The following CR1 variants were observed in gnomAD, a reference collection of about 807,000 sequenced individuals.
CR1 encodes the protein complement receptor type 1.
In CR1, 116 loss-of-function variants were observed where a neutral mutation model predicts 187.3. That is an observed-to-expected ratio of 0.62 (90% CI 0.53 to 0.72). The LOEUF (loss-of-function observed/expected upper bound fraction) is 0.72, where lower values mean the gene tolerates loss of function less well. Ranked by LOEUF, CR1 falls within the 30% of genes least tolerant of loss-of-function variation. CR1 has a pLI of 0.00. For synonymous variants in CR1, 576 were observed against 747.1 expected (o/e 0.77, Z 3.73); for missense variants, 1,731 against 2,110.7 (o/e 0.82, Z 3.52).
At chr1:207,500,654 G>T (rs1170782629) in intron 1 of CR1, among the ~76,000 whole-genome samples, 1 of 152,116 alleles carries the variant, frequency 6.6e-6, no homozygotes, top group East Asian at 1.9e-4. Context: ...TGGAGTAACT[G>T]GAATTATAAT....
At chr1:207,513,762 C>CCCTT (rs1166231012) in intron 4 of CR1, among the ~76,000 whole-genome samples, 51 of 99,224 alleles carry the variant, frequency 5.1e-4, no homozygotes, top group African/African-American at 1.3e-3. Flanking sequence ...CTCCCTCCCT[C>CCCTT]CCTTCCTTCC....
chr1:207,585,393 A>T (rs1435276712), intron 33 of CR1, among the ~76,000 whole-genome samples: 1 of 152,236 alleles, frequency 6.6e-6, no homozygotes, highest in African/African-American at 2.4e-5. Context: ...TCCACTTGTC[A>T]TCTTGCCTCC....
intron 3 of CR1, among the ~76,000 whole-genome samples, chr1:207,511,332 T>TA (rs554713408): frequency 1.1e-4 from 17 of 152,098 alleles, no homozygotes; most frequent in African/African-American, 1.7e-4. Flanking sequence ...TAGATTTGCA[T>TA]AAAAAAGTGT....
chr1:207,515,843 T>C (rs762036319), intron 4 of CR1, among the ~76,000 whole-genome samples: 1 of 152,188 alleles, frequency 6.6e-6, no homozygotes, highest in Non-Finnish European at 1.5e-5. Flanking sequence ...TGATGTCTTT[T>C]GTTTATGAAA....
At chr1:207,498,877 C>CAAAAAAAAAAAAAAAAAAAAAAAA (rs56044498) in intron 1 of CR1, among the ~76,000 whole-genome samples, 16 of 50,090 alleles carry the variant, frequency 3.2e-4, no homozygotes, top group East Asian at 1.1e-3. Context: ...AACTCCAAAT[C>CAAAAAAAAAAAAAAAAAAAAAAAA]AAAAAAAAAA....
chr1:207,617,665 T>G (rs1468711990), intron 41 of CR1, among the ~76,000 whole-genome samples: 1 of 73,150 alleles, frequency 1.4e-5, no homozygotes, highest in South Asian at 5.3e-4. Context: ...AGAGAGAGAT[T>G]GTACTCTTAG....
chr1:207,519,725 C>T (rs1659916915), intron 4 of CR1, among the ~76,000 whole-genome samples: 1 of 152,208 alleles, frequency 6.6e-6, no homozygotes, highest in South Asian at 2.1e-4. Flanking sequence ...AAAGTAAGCG[C>T]AGAGACTCCA....
At chr1:207,503,570 GTC>G (rs1380115933) in intron 1 of CR1, among the ~76,000 whole-genome samples, 1 of 152,080 alleles carries the variant, frequency 6.6e-6, no homozygotes, top group African/African-American at 2.4e-5. Context: ...GCACCATAGT[GTC>G]TCTGAATATC....
At chr1:207,589,952 G>C (rs993054249) in intron 35 of CR1, among the ~76,000 whole-genome samples, 1 of 152,132 alleles carries the variant, frequency 6.6e-6, no homozygotes, top group Non-Finnish European at 1.5e-5. Context: ...AGAAATATGG[G>C]ACTATGTGAA....
In CR1 at chr1:207,620,880, C is replaced by T. The variant is rs989280581; in HGVS notation, c.7252+815C>T. The stretch of plus-strand genomic sequence containing the variant: ...AAATTCAGGTCATTGGAGAACCAAC[C>T]GTATCAAATATTAGAACAAAATATA... On this transcript the variant is annotated intron_variant, in intron 43 of 46. Transcript: ENST00000367049. Among the ~76,000 whole-genome samples the T allele has an allele frequency of 5.9e-5, 9 of 152,186 alleles. 1 individual carries two copies. In the East Asian group the frequency reaches 1.2e-3, roughly 20 times the overall value.
At chr1:207,516,328 T>C (rs1659807841) in intron 4 of CR1, among the ~76,000 whole-genome samples, 1 of 152,194 alleles carries the variant, frequency 6.6e-6, no homozygotes, top group Non-Finnish European at 1.5e-5. Flanking sequence ...TGGATCTCAT[T>C]CCAGAGAGGT....
intron 1 of CR1, among the ~76,000 whole-genome samples, chr1:207,501,238 G>A (rs567913850): frequency 2.6e-5 from 4 of 152,322 alleles, no homozygotes; most frequent in Non-Finnish European, 5.9e-5. Context: ...GAAGGAAGTG[G>A]ATGTTTGGAT....
chr1:207,615,903 G>A (rs1662076656), intron 40 of CR1, among the ~76,000 whole-genome samples: 1 of 152,062 alleles, frequency 6.6e-6, no homozygotes. Flanking sequence ...GATAAATTTG[G>A]GTATCTCTTC....
At chr1:207,637,753 A>G (rs1662860482) in intron 46 of CR1, among the ~76,000 whole-genome samples, 1 of 152,156 alleles carries the variant, frequency 6.6e-6, no homozygotes, top group African/African-American at 2.4e-5. Flanking sequence ...ATATACTTCA[A>G]TAGGATTATC....
intron 44 of CR1, among the ~76,000 whole-genome samples, chr1:207,622,302 T>G (rs1464507681): frequency 6.6e-6 from 1 of 152,216 alleles, no homozygotes; most frequent in African/African-American, 2.4e-5. Context: ...GGTGGGAGAA[T>G]GCAACTTCTT....
chr1:207,630,518 A>G lies in CR1; in HGVS notation c.7354A>G (p.Asn2452Asp), dbSNP rs771591723. The change falls in exon 46 of 47, where the codon AAT (asparagine) becomes GAT (aspartate). Residue 2452 changes from asparagine to aspartate, a missense_variant and splice_region_variant. Physicochemically the swap from Asn to Asp is conservative, Grantham distance 23 (BLOSUM62 1). Coordinates refer to ENST00000367049, the MANE Select transcript of CR1 (RefSeq NM_000651.6). ...TCTATTTTTTTCTCTGCCAATTAGC[A>G]ATAATGCACATGAAAACCCTAAAGA... ...SWIILKHRKGNNAHENPKEVA... is the reference protein window; with the variant it reads ...SWIILKHRKGDNAHENPKEVA... 1.9e-6 allele frequency: 3 copies of G among 1,586,500 alleles called. No individual in the cohort carries two copies. The highest frequency in any genetic ancestry group is 2.6e-6 in the Non-Finnish European group (3 of 1,167,368).
intron 4 of CR1, among the ~76,000 whole-genome samples, chr1:207,512,435 G>T (rs1659653048): frequency 6.6e-6 from 1 of 152,202 alleles, no homozygotes; most frequent in South Asian, 2.1e-4. Flanking sequence ...AAAAGAATCA[G>T]ATGAATGGCA....
At chr1:207,573,002 T>G (rs1660624934) in intron 27 of CR1, among the ~76,000 whole-genome samples, 2 of 152,182 alleles carry the variant, frequency 1.3e-5, no homozygotes, top group African/African-American at 2.4e-5. Flanking sequence ...GACCTCACCT[T>G]AACTTGATTG....
intron 1 of CR1, among the ~76,000 whole-genome samples, chr1:207,498,793 GC>G: frequency 6.8e-6 from 1 of 147,732 alleles, no homozygotes; most frequent in Non-Finnish European, 1.5e-5. Flanking sequence ...CATGAGAATC[GC>G]TTGAACCTGG....
Sources: allele counts gnomAD v4.1 joint callset (sites outside exome capture counted in the v4.1 genomes callset), GRCh38; gene constraint gnomAD v4.1.1; transcripts MANE v1.5; gene names NCBI Gene and HGNC (gene_info 2026-07-23, HGNC 2026-07-21).